KCND3: variants seen among roughly 807,000 people sequenced by gnomAD.
KCND3 encodes the protein potassium voltage-gated channel subfamily D member 3, also known as A-type voltage-gated potassium channel KCND3.
In KCND3, 9 loss-of-function variants were observed where a neutral mutation model predicts 51.1. That is an observed-to-expected ratio of 0.18 (90% confidence interval 0.11 to 0.31). The LOEUF is 0.31. Among genes scored for constraint, KCND3 ranks in the 10% least tolerant of loss-of-function variants. The pLI is 1.00. For synonymous variants in KCND3, 349 were observed against 368.0 expected (o/e 0.95, Z 0.59); for missense variants, 526 against 903.8 (o/e 0.58, Z 5.36).
chr1:111,913,850 A>G (rs1557715757), intron 2 of KCND3, among the ~76,000 whole-genome samples: 1 of 152,142 alleles, frequency 6.6e-6, no homozygotes, highest in Admixed American at 6.5e-5. Context: ...AAACCATGAT[A>G]GTGCCACTGC....
chr1:111,845,782 C>A (rs1414670039), intron 2 of KCND3, among the ~76,000 whole-genome samples: 1 of 152,188 alleles, frequency 6.6e-6, no homozygotes, highest in Non-Finnish European at 1.5e-5. Flanking sequence ...TAGTAAGTGG[C>A]CAGCCTGGGA....
At chr1:111,801,921 G>A (rs1466543562) in intron 2 of KCND3, among the ~76,000 whole-genome samples, 2 of 152,178 alleles carry the variant, frequency 1.3e-5, no homozygotes, top group African/African-American at 2.4e-5. Flanking sequence ...TCTCCACGGC[G>A]GCCTTTCAGC....
chr1:111,800,809 GC>G, intron 2 of KCND3, among the ~76,000 whole-genome samples: 1 of 152,364 alleles, frequency 6.6e-6, no homozygotes, highest in East Asian at 1.9e-4. Flanking sequence ...CCTGGTTGGG[GC>G]TGGGAGCCAT....
At chr1:111,955,124 C>T (rs947872424) in intron 2 of KCND3, among the ~76,000 whole-genome samples, 1 of 152,244 alleles carries the variant, frequency 6.6e-6, no homozygotes, top group African/African-American at 2.4e-5. Context: ...AAGTCCAACC[C>T]TATATCCCTG....
chr1:111,893,010 T>G (rs1435838469), intron 2 of KCND3, among the ~76,000 whole-genome samples: 1 of 152,190 alleles, frequency 6.6e-6, no homozygotes, highest in East Asian at 1.9e-4. Context: ...GGCTTTTTGC[T>G]TAAGCGATGA....
In KCND3 at chr1:111,778,458, G is replaced by C. The variant is rs976664434; in HGVS notation, c.1496C>G (p.Ser499Cys). The C allele has an allele frequency of 1.9e-6, 3 of 1,613,858 alleles. No homozygotes were observed. Among genetic ancestry groups the C allele is most frequent in the African/African-American group, 2.7e-5 (2 of 74,888 alleles). Residue 499 changes from serine to cysteine, a missense_variant, in exon 6 of 8, where the codon TCT (serine) becomes TGT (cysteine). By Grantham distance (112) the Ser-to-Cys change is moderately radical. This residue lies in a region of KCND3 where 266 missense variants were observed against 305.5 expected (regional missense o/e 0.87). Transcript: ENST00000302127. Reference sequence around the variant, plus strand: ...TACCTTGATGGTGGAGGTTCGTACAGATAACAGGGGATCATCCACAAGATA... The same window carrying C: ...TACCTTGATGGTGGAGGTTCGTACACATAACAGGGGATCATCCACAAGATA... ...LSYLVDDPLL[S>C]VRTSTIKNHE...
At chr1:111,812,795 C>A (rs948193671) in intron 2 of KCND3, among the ~76,000 whole-genome samples, 1 of 152,188 alleles carries the variant, frequency 6.6e-6, no homozygotes, top group African/African-American at 2.4e-5. Flanking sequence ...CACAGGGAGC[C>A]GGGCACAGGC....
In KCND3 at chr1:111,807,481, G is replaced by A. The variant is rs182932532; in HGVS notation, c.1107-20375C>T. On this transcript the variant is annotated intron_variant, in intron 2 of 7. Coordinates refer to ENST00000302127, the MANE Select transcript of KCND3 (RefSeq NM_001378969.1). Reference sequence around the variant, plus strand: ...TCATGAGGTCAGGGGTCTGAGACCAGCCTGGCCAACATGGTGAAACCCCAT... The same window carrying A: ...TCATGAGGTCAGGGGTCTGAGACCAACCTGGCCAACATGGTGAAACCCCAT... Among the ~76,000 whole-genome samples, 3 of 152,268 alleles carry A rather than the reference G, an allele frequency of 2.0e-5. No individual in the cohort carries two copies. In the East Asian group the frequency reaches 5.8e-4, roughly 29 times the overall value.
chr1:111,932,053 C>T lies in KCND3; in HGVS notation c.1106+49568G>A, dbSNP rs111591606. ...GCTTGTGGCCCCTCTCCTCCATCTT[C>T]AAAGCCAGCCGCAGCAGGCCGAGTC... On this transcript the variant is annotated intron_variant, in intron 2 of 7. Transcript: ENST00000302127. Among the ~76,000 whole-genome samples the T allele has an allele frequency of 9.6e-3, 1,457 of 152,354 alleles. 21 individuals are homozygous for T. The highest frequency in any genetic ancestry group is 0.027 in the South Asian group (128 of 4,830).
intron 2 of KCND3, among the ~76,000 whole-genome samples, chr1:111,800,046 A>C (rs147677372): frequency 3.0e-4 from 46 of 151,452 alleles, no homozygotes; most frequent in African/African-American, 1.0e-3. Context: ...AGGTGTGCCC[A>C]ACAGCTCATT....
intron 2 of KCND3, among the ~76,000 whole-genome samples, chr1:111,938,429 T>C (rs924454770): frequency 3.3e-5 from 5 of 152,144 alleles, no homozygotes; most frequent in Admixed American, 1.3e-4. Context: ...CAGAATGTAA[T>C]AGGAAATAAA....
intron 2 of KCND3, among the ~76,000 whole-genome samples, chr1:111,852,322 T>G (rs1667853895): frequency 1.3e-5 from 2 of 152,226 alleles, no homozygotes; most frequent in Non-Finnish European, 2.9e-5. Flanking sequence ...CAAGGCAGCC[T>G]GCAGCCCTCA....
chr1:111,956,510 C>G (rs1673350570), intron 2 of KCND3, among the ~76,000 whole-genome samples: 1 of 152,148 alleles, frequency 6.6e-6, no homozygotes, highest in South Asian at 2.1e-4. Context: ...ATTGGAGGGT[C>G]TGGGCTGTGA....
chr1:111,813,793 T>C (rs992886089), intron 2 of KCND3, among the ~76,000 whole-genome samples: 3 of 152,368 alleles, frequency 2.0e-5, no homozygotes, highest in Non-Finnish European at 4.4e-5. Flanking sequence ...AACAATCCTG[T>C]GGCAGCTGGG....
chr1:111,839,630 G>T (rs554459016), intron 2 of KCND3, among the ~76,000 whole-genome samples: 4 of 152,346 alleles, frequency 2.6e-5, no homozygotes, highest in Admixed American at 2.6e-4. Flanking sequence ...TACTAATGAT[G>T]GCTAATATGT....
At chr1:111,915,185 A>G (rs1333916781) in intron 2 of KCND3, among the ~76,000 whole-genome samples, 1 of 152,226 alleles carries the variant, frequency 6.6e-6, no homozygotes. Context: ...ATACAAAGTA[A>G]GGCAGAGAGG....
chr1:111,964,107 T>C (rs1307930557), intron 2 of KCND3, among the ~76,000 whole-genome samples: 1 of 152,156 alleles, frequency 6.6e-6, no homozygotes, highest in African/African-American at 2.4e-5. Flanking sequence ...AACAGGCACT[T>C]ACATGCCATT....
rs1475544401 is a variant in KCND3, at chr1:111,820,042, A to G, written c.1107-32936T>C. ...AATTGCGTCACTCCTTCCAAAAAAC[A>G]TTCATTGGCTCATCCACTGCCTATG... On this transcript the variant is annotated intron_variant, in intron 2 of 7. Transcript: ENST00000302127. 2.0e-5 allele frequency among the ~76,000 whole-genome samples: 3 copies of G among 152,250 alleles called. No homozygotes were observed. The East Asian group carries it at 5.8e-4, about 29-fold the overall frequency.
intron 2 of KCND3, among the ~76,000 whole-genome samples, chr1:111,788,826 C>A (rs1390659082): frequency 6.6e-6 from 1 of 152,148 alleles, no homozygotes; most frequent in African/African-American, 2.4e-5. Flanking sequence ...GCCTTAGTTT[C>A]GTTGTCTGTA....
Sources: allele counts gnomAD v4.1 joint callset (sites outside exome capture counted in the v4.1 genomes callset), GRCh38; gene constraint gnomAD v4.1.1; regional missense constraint gnomAD v4.1.1; transcripts MANE v1.5; gene names NCBI Gene and HGNC (gene_info 2026-07-23, HGNC 2026-07-21).